The following ADARB1 variants were observed in gnomAD, a reference collection of about 807,000 sequenced individuals.
ADARB1 encodes adenosine deaminase RNA specific B1, also known as double-stranded RNA-specific editase 1.
A neutral mutation model predicts 52.4 loss-of-function variants in ADARB1; 10 were observed. That is an observed-to-expected ratio of 0.19 (90% CI 0.12 to 0.32). The LOEUF (loss-of-function observed/expected upper bound fraction) is 0.32. ADARB1 is among the 10% of genes least tolerant of loss of function. The pLI, the probability that ADARB1 is intolerant of heterozygous loss-of-function variation, is 1.00. For missense variants in ADARB1, 643 were observed against 922.3 expected (o/e 0.70, Z 3.92); for synonymous variants, 349 against 371.1 (o/e 0.94, Z 0.68).
In ADARB1 at chr21:45,223,525, G is replaced by T; in HGVS notation, c.*1328G>T. ...CAGGATGAAAGAGGAGCTGAGAGAA[G>T]TGCTCTGCCTGCCAGTGCAGTGCCC... On this transcript the variant is annotated 3_prime_UTR_variant, in exon 11 of 11. Transcript: ENST00000348831. The T allele has an allele frequency of 1.0e-6, 1 of 985,718 alleles. No individual in the cohort carries two copies. Among genetic ancestry groups the T allele is most frequent in the South Asian group, 4.7e-5 (1 of 21,298 alleles). The allele number at this position is 985,718 out of a possible 1,614,324, so 61.1% of individuals were successfully genotyped here.
At chr21:45,122,013 G>A (rs767418497) in intron 1 of ADARB1, among the ~76,000 whole-genome samples, 30 of 152,314 alleles carry the variant, frequency 2.0e-4, no homozygotes, top group African/African-American at 6.7e-4. Context: ...CTTCTTTGCC[G>A]TAGCAGCCTC....
chr21:45,119,784 G>A (rs921471665), intron 1 of ADARB1, among the ~76,000 whole-genome samples: 4 of 152,162 alleles, frequency 2.6e-5, no homozygotes, highest in African/African-American at 9.7e-5. Flanking sequence ...GAAAAATCAT[G>A]GCTCCTGAAA....
intron 1 of ADARB1, among the ~76,000 whole-genome samples, chr21:45,092,399 T>A (rs909458264): frequency 6.6e-6 from 1 of 152,266 alleles, no homozygotes; most frequent in African/African-American, 2.4e-5. Context: ...AGAGAGATTT[T>A]AAAAATGAAC....
At chr21:45,139,682 A>G (rs919050206) in intron 2 of ADARB1, among the ~76,000 whole-genome samples, 3 of 152,228 alleles carry the variant, frequency 2.0e-5, no homozygotes, top group African/African-American at 7.2e-5. Flanking sequence ...GGCCCTGAGC[A>G]TCAGCACTTC....
In ADARB1 at chr21:45,223,502, G is replaced by A. The variant is rs993867493; in HGVS notation, c.*1305G>A. Reference sequence around the variant, plus strand: ...CCAGGTGCCTTGTTGCCTCCGCTCAGGATGAAAGAGGAGCTGAGAGAAGTG... The same window carrying A: ...CCAGGTGCCTTGTTGCCTCCGCTCAAGATGAAAGAGGAGCTGAGAGAAGTG... On this transcript the variant is annotated 3_prime_UTR_variant, in exon 11 of 11. Transcript: ENST00000348831. 4.1e-6 allele frequency: 4 copies of A among 985,552 alleles called. No individual in the cohort carries two copies. In the African/African-American group the frequency reaches 7.0e-5, roughly 17 times the overall value. The allele number at this position is 985,552 out of a possible 1,614,324, so 61.1% of individuals were successfully genotyped here.
chr21:45,108,753 AAGT>A (rs2087373464), intron 1 of ADARB1, among the ~76,000 whole-genome samples: 2 of 20,408 alleles, frequency 9.8e-5, no homozygotes, highest in African/African-American at 3.9e-4. Flanking sequence ...TGGATTTCAT[AAGT>A]CACATGGCTG....
At position 45,200,878 on chromosome 21, in the gene ADARB1, G is replaced by A. The variant is rs1053021567; in HGVS notation, c.1566-3677G>A. Among the ~76,000 whole-genome samples, 8 of 152,166 alleles carry A rather than the reference G, an allele frequency of 5.3e-5. No individual in the cohort carries two copies. The highest frequency in any genetic ancestry group is 1.9e-4 in the African/African-American group (8 of 41,420). ...TGTCTGCAGCTCAGTCTCTCAGGCC[G>A]GGCCCTTTACTGAATCAGGGGACAG... On this transcript the variant is annotated intron_variant, in intron 8 of 10. Coordinates refer to ENST00000348831, the MANE Select transcript of ADARB1 (RefSeq NM_001112.4). This position sits in a 1 kb window ranked among gnomAD's most constrained non-coding sequence, Gnocchi z 5.0.
chr21:45,214,849 C>T (rs2092832232), intron 9 of ADARB1, among the ~76,000 whole-genome samples: 2 of 152,186 alleles, frequency 1.3e-5, no homozygotes, highest in African/African-American at 4.8e-5. Flanking sequence ...GTTGTCTTGG[C>T]TGCTTAGGTC....
intron 8 of ADARB1, among the ~76,000 whole-genome samples, chr21:45,196,203 C>T (rs1484162475): frequency 6.6e-6 from 1 of 151,524 alleles, no homozygotes; most frequent in Non-Finnish European, 1.5e-5. Flanking sequence ...TTGCTGGTCA[C>T]AGTTAATTTT....
At chr21:45,143,113 G>A (rs1260803808) in intron 2 of ADARB1, among the ~76,000 whole-genome samples, 1 of 152,162 alleles carries the variant, frequency 6.6e-6, no homozygotes, top group Non-Finnish European at 1.5e-5. Flanking sequence ...TCGCTCAGCC[G>A]ACTTTTCCTG....
chr21:45,207,142 A>G (rs144911142), intron 9 of ADARB1, among the ~76,000 whole-genome samples: 2 of 152,304 alleles, frequency 1.3e-5, no homozygotes. Flanking sequence ...GACACCACTC[A>G]AGCTCCAGGA....
intron 2 of ADARB1, among the ~76,000 whole-genome samples, chr21:45,149,554 T>A (rs2090178438): frequency 6.6e-6 from 1 of 152,388 alleles, no homozygotes; most frequent in Non-Finnish European, 1.5e-5. Flanking sequence ...TGTGGGGACC[T>A]ATGGTTTTTA....
chr21:45,088,234 G>C (rs2086423363), intron 1 of ADARB1, among the ~76,000 whole-genome samples: 2 of 152,196 alleles, frequency 1.3e-5, no homozygotes, highest in South Asian at 4.1e-4. Context: ...TCCAGCAACA[G>C]GGAGCACACC....
chr21:45,097,700 G>C (rs1425286069), intron 1 of ADARB1, among the ~76,000 whole-genome samples: 1 of 152,160 alleles, frequency 6.6e-6, no homozygotes, highest in Non-Finnish European at 1.5e-5. Context: ...CCACTGTGGT[G>C]ATGGGGAGGG....
intron 9 of ADARB1, among the ~76,000 whole-genome samples, chr21:45,210,935 C>G (rs1443436036): frequency 2.6e-5 from 4 of 152,238 alleles, no homozygotes; most frequent in Admixed American, 2.0e-4. Flanking sequence ...TGGACATGAG[C>G]CCACCTCACT....
intron 8 of ADARB1, among the ~76,000 whole-genome samples, chr21:45,192,504 C>T (rs1420600255): frequency 1.3e-5 from 2 of 152,048 alleles, no homozygotes; most frequent in Non-Finnish European, 2.9e-5. Flanking sequence ...TCTGGCATAG[C>T]CTTAATTGGC....
At chr21:45,195,595 T>A (rs899598252) in intron 8 of ADARB1, among the ~76,000 whole-genome samples, 2 of 152,072 alleles carry the variant, frequency 1.3e-5, no homozygotes, top group African/African-American at 4.8e-5. Context: ...GTGTAAAACC[T>A]ATGCCTAGAT....
In ADARB1 at chr21:45,074,657, C is replaced by T. The variant is rs2085838002; in HGVS notation, c.-356C>T. The T allele has an allele frequency of 1.4e-5, 2 of 138,972 alleles. No homozygotes were observed. Among genetic ancestry groups the T allele is most frequent in the South Asian group, 1.9e-4 (1 of 5,212 alleles). 8.6% of individuals were successfully genotyped at this position (138,972 alleles called of 1,614,324 possible). The stretch of plus-strand genomic sequence containing the variant: ...CAAGCGGCCAGGTTGGCGGCCGGGG[C>T]TCCGGGCCGCGCGAGGCCACGGCCA... On this transcript the variant is annotated 5_prime_UTR_variant, in exon 1 of 11. Coordinates refer to ENST00000348831, the MANE Select transcript of ADARB1 (RefSeq NM_001112.4).
At chr21:45,216,816 A>G (rs1053682056) in intron 9 of ADARB1, among the ~76,000 whole-genome samples, 1 of 151,982 alleles carries the variant, frequency 6.6e-6, no homozygotes, top group African/African-American at 2.4e-5. Flanking sequence ...TCTCTTAGTT[A>G]TAATTGTACA....
Sources: gnomAD v4.1 joint callset for allele counts (sites outside exome capture counted in the v4.1 genomes callset) on GRCh38, gnomAD v4.1.1 for gene constraint, Gnocchi (gnomAD v3.1) non-coding constraint, MANE v1.5 for transcripts, NCBI Gene and HGNC (gene_info 2026-07-23, HGNC 2026-07-21) for gene names.